Variants in CLSTN1 observed in about 807,000 individuals in gnomAD.
The protein encoded by CLSTN1 is calsyntenin 1, also known as calsyntenin-1.
CLSTN1 carries 28 observed loss-of-function variants against 108.3 expected under a neutral mutation model. The observed-to-expected ratio is 0.26, with a 90% CI of 0.19 to 0.35. The LOEUF is 0.35. CLSTN1 is among the 10% of genes least tolerant of loss of function. The pLI is 1.00. For missense variants in CLSTN1, 1,157 were observed against 1,302.6 expected, an observed-to-expected ratio of 0.89 and a Z score of 1.72; for synonymous variants, 524 against 534.9, an observed-to-expected ratio of 0.98 and a Z score of 0.28.
Position 9,767,803 on chromosome 1 carries a change from A to G in CLSTN1, c.214+5469T>C, listed in dbSNP as rs957886080. ...GTCTGTAAGAAAATGCAACACTATA[A>G]CGACTTTTGTAGAAAGATGAAAAAA... On this transcript the variant is annotated intron_variant, in intron 2 of 18. Coordinates refer to ENST00000377298, the MANE Select transcript of CLSTN1 (RefSeq NM_001009566.3). Among the ~76,000 whole-genome samples, 3 of 152,170 alleles carry G rather than the reference A, an allele frequency of 2.0e-5. No homozygotes were observed. In the South Asian group the frequency reaches 6.2e-4, roughly 31 times the overall value.
chr1:9,796,133 G>A (rs1200128749), intron 1 of CLSTN1, among the ~76,000 whole-genome samples: 2 of 150,092 alleles, frequency 1.3e-5, no homozygotes, highest in Non-Finnish European at 2.9e-5. Context: ...GTGGTGGTGG[G>A]CGCCTGTAAT....
chr1:9,767,393 A>G (rs1488904959), intron 2 of CLSTN1, among the ~76,000 whole-genome samples: 5 of 152,040 alleles, frequency 3.3e-5, no homozygotes, highest in Non-Finnish European at 7.4e-5. Context: ...AAATTACAAA[A>G]AATTAGCCAG....
At chr1:9,815,445 T>A in intron 1 of CLSTN1, among the ~76,000 whole-genome samples, 1 of 152,152 alleles carries the variant, frequency 6.6e-6, no homozygotes, top group East Asian at 1.9e-4. Flanking sequence ...TGAGAGACAA[T>A]GGCAAAGGAA....
In CLSTN1 at chr1:9,808,698, G is replaced by A. The variant is rs76085206; in HGVS notation, c.91+14945C>T. ...CTGAGTGGAGAAATAACACGTGCCC[G>A]AGCTCTCAGGAAAAAGGCCTCAATC... is the stretch of plus-strand genomic sequence containing the variant. On this transcript the variant is annotated intron_variant, in intron 1 of 18. Transcript: ENST00000377298. Among the ~76,000 whole-genome samples, 633 of 152,078 alleles carry A rather than the reference G, an allele frequency of 4.2e-3. 11 individuals are homozygous for A. In the East Asian group the frequency reaches 0.043, roughly 10 times the overall value.
intron 1 of CLSTN1, among the ~76,000 whole-genome samples, chr1:9,786,924 CT>C (rs1380857595): frequency 1.3e-5 from 2 of 151,346 alleles, no homozygotes; most frequent in African/African-American, 4.8e-5. Context: ...GTCCTTCTCC[CT>C]GGTGCACATC....
intron 1 of CLSTN1, among the ~76,000 whole-genome samples, chr1:9,793,744 G>A (rs940480009): frequency 2.0e-5 from 3 of 151,502 alleles, no homozygotes; most frequent in Non-Finnish European, 4.4e-5. Context: ...TACAGCCACT[G>A]CTGCTATCTT....
chr1:9,740,068 A>G (rs1650897075), intron 10 of CLSTN1, among the ~76,000 whole-genome samples: 1 of 151,740 alleles, frequency 6.6e-6, no homozygotes, highest in Non-Finnish European at 1.5e-5. Context: ...CACCCACCTC[A>G]GCCTCCCAAA....
In CLSTN1 at chr1:9,734,272, C is replaced by A. The variant is rs563097924; in HGVS notation, c.2111-130G>T. On this transcript the variant is annotated intron_variant, in intron 14 of 18. Transcript: ENST00000377298. The surrounding 1 kb of genome is among the most constrained non-coding windows in gnomAD (Gnocchi z 4.8). Reference sequence around the variant, plus strand: ...CGTAAGGACCAACGACAGAAGCAAGCGAGAGTTGCTTTCAAGAAACGGCTG... The same window carrying A: ...CGTAAGGACCAACGACAGAAGCAAGAGAGAGTTGCTTTCAAGAAACGGCTG... The A allele has an allele frequency of 1.1e-6, 1 of 885,208 alleles. No homozygotes were observed. Among genetic ancestry groups the A allele is most frequent in the Non-Finnish European group, 1.7e-6 (1 of 579,166 alleles). 54.8% of individuals were successfully genotyped at this position (885,208 alleles called of 1,614,324 possible). A position where few individuals can be genotyped will look rare whatever the true frequency, so the allele number is the denominator to read the frequency against.
At chr1:9,753,014 C>T (rs1470222902) in intron 4 of CLSTN1, among the ~76,000 whole-genome samples, 1 of 152,122 alleles carries the variant, frequency 6.6e-6, no homozygotes, top group East Asian at 1.9e-4. Context: ...TTGTAGAAGA[C>T]ACTGGACTTG....
intron 16 of CLSTN1, among the ~76,000 whole-genome samples, chr1:9,732,892 T>C (rs1650482426): frequency 6.6e-6 from 1 of 152,210 alleles, no homozygotes; most frequent in Non-Finnish European, 1.5e-5. Context: ...TGCTGCTCTT[T>C]CTAAAACAGT....
rs75077500 is a variant in CLSTN1, at chr1:9,742,000, A to G, written c.1357-744T>C. Among the ~76,000 whole-genome samples, 1,159 of 152,316 alleles carry G rather than the reference A, an allele frequency of 7.6e-3. 13 individuals carry two copies. Among genetic ancestry groups the G allele is most frequent in the African/African-American group, 0.026 (1,087 of 41,560 alleles). On this transcript the variant is annotated intron_variant, in intron 9 of 18. Coordinates refer to ENST00000377298, the MANE Select transcript of CLSTN1 (RefSeq NM_001009566.3). ...TTTCTTTTCCAACTCAAAGTTGATG[A>G]TCTCAATAAATATGAACATCAGCTC...
intron 1 of CLSTN1, among the ~76,000 whole-genome samples, chr1:9,783,355 G>T (rs564888476): frequency 1.3e-5 from 2 of 152,280 alleles, no homozygotes; most frequent in South Asian, 4.1e-4. Flanking sequence ...CAGGTAGGAG[G>T]ATTGCTTGAG....
intron 2 of CLSTN1, among the ~76,000 whole-genome samples, chr1:9,762,586 A>G (rs2101131380): frequency 6.8e-6 from 1 of 147,834 alleles, no homozygotes; most frequent in Non-Finnish European, 1.5e-5. Flanking sequence ...CCCGCACTCA[A>G]CGGCTCTGCT....
chr1:9,818,160 A>T (rs767683345), intron 1 of CLSTN1, among the ~76,000 whole-genome samples: 3 of 151,866 alleles, frequency 2.0e-5, no homozygotes, highest in Non-Finnish European at 4.4e-5. Context: ...GGCATATGCC[A>T]CCATGCCCAG....
chr1:9,812,790 G>A (rs1427314445), intron 1 of CLSTN1, among the ~76,000 whole-genome samples: 1 of 150,816 alleles, frequency 6.6e-6, no homozygotes, highest in Non-Finnish European at 1.5e-5. Context: ...GGAGGTTGTG[G>A]TGAGCTGAGA....
At position 9,799,164 on chromosome 1, in the gene CLSTN1, G is replaced by C. The variant is rs1034562039; in HGVS notation, c.91+24479C>G. ...CCACTGAACTCCAGCCTGGGTGACA[G>C]AGCAAGACCCTGTCTCAAAAAAGAA... On this transcript the variant is annotated intron_variant, in intron 1 of 18. Coordinates refer to ENST00000377298, the MANE Select transcript of CLSTN1 (RefSeq NM_001009566.3). Among the ~76,000 whole-genome samples the C allele has an allele frequency of 2.6e-5, 4 of 152,128 alleles. No individual in the cohort carries two copies. In the South Asian group the frequency reaches 6.2e-4, roughly 24 times the overall value.
chr1:9,766,520 C>T (rs1280165612), intron 2 of CLSTN1, among the ~76,000 whole-genome samples: 4 of 152,080 alleles, frequency 2.6e-5, no homozygotes, highest in East Asian at 1.9e-4. Flanking sequence ...TTAGCTGGCT[C>T]GTGGTGGTGC....
intron 1 of CLSTN1, among the ~76,000 whole-genome samples, chr1:9,798,253 C>A (rs758127785): frequency 6.6e-6 from 1 of 152,214 alleles, no homozygotes; most frequent in Admixed American, 6.5e-5. Context: ...TCCAAAAGAA[C>A]TGAAAACAGG....
At chr1:9,745,203 T>C (rs1307770494) in intron 7 of CLSTN1, among the ~76,000 whole-genome samples, 2 of 132,134 alleles carry the variant, frequency 1.5e-5, no homozygotes, top group Non-Finnish European at 3.1e-5. Flanking sequence ...CACTCCAGCC[T>C]GGGCAACAGA....
Sources: allele counts gnomAD v4.1 joint callset (sites outside exome capture counted in the v4.1 genomes callset), GRCh38; gene constraint gnomAD v4.1.1; non-coding constraint Gnocchi (gnomAD v3.1); transcripts MANE v1.5; gene names NCBI Gene and HGNC (gene_info 2026-07-23, HGNC 2026-07-21).